Variants in DACH1 observed in about 807,000 individuals in gnomAD.
The protein encoded by DACH1 is dachshund family transcription factor 1, also known as dachshund homolog 1.
Under a neutral mutation model 54.2 loss-of-function variants are expected in DACH1, and 12 were observed. That is an observed-to-expected ratio of 0.22 (90% CI 0.14 to 0.36). DACH1 has a LOEUF of 0.36. Ranked by LOEUF, DACH1 falls within the 10% of genes least tolerant of loss-of-function variation. DACH1 has a pLI of 1.00. For missense variants in DACH1, 805 were observed against 929.8 expected (o/e 0.87, Z 1.75); for synonymous variants, 386 against 366.2 (o/e 1.05, Z -0.62).
intron 6 of DACH1, among the ~76,000 whole-genome samples, chr13:71,528,816 T>C (rs908433326): frequency 1.3e-5 from 2 of 152,134 alleles, no homozygotes; most frequent in Non-Finnish European, 2.9e-5. Flanking sequence ...AGATTGGAGA[T>C]AACCTACCTA....
At chr13:71,513,534 T>C (rs568213471) in intron 6 of DACH1, among the ~76,000 whole-genome samples, 3 of 152,150 alleles carry the variant, frequency 2.0e-5, no homozygotes, top group South Asian at 2.1e-4. Context: ...GTGTGTAATA[T>C]GATGTTAAGT....
At chr13:71,849,382 T>A (rs932305419) in intron 1 of DACH1, among the ~76,000 whole-genome samples, 1 of 152,050 alleles carries the variant, frequency 6.6e-6, no homozygotes, top group Non-Finnish European at 1.5e-5. Flanking sequence ...CAGTTTGCTA[T>A]GGGCAAGAGA....
chr13:71,558,489 T>C (rs960533002), intron 5 of DACH1, among the ~76,000 whole-genome samples: 3 of 151,970 alleles, frequency 2.0e-5, no homozygotes, highest in Non-Finnish European at 4.4e-5. Context: ...CAAAACTCAT[T>C]CAAATCTTCC....
chr13:71,595,976 G>A (rs2138475926), intron 3 of DACH1, among the ~76,000 whole-genome samples: 1 of 152,180 alleles, frequency 6.6e-6, no homozygotes, highest in East Asian at 1.9e-4. Flanking sequence ...TAACAGATTT[G>A]GGGTAAGAGG....
At chr13:71,654,113 G>A (rs779743255) in intron 2 of DACH1, among the ~76,000 whole-genome samples, 2 of 151,990 alleles carry the variant, frequency 1.3e-5, no homozygotes, top group African/African-American at 4.8e-5. Context: ...CTAATAGGCC[G>A]GGCATAGTAG....
chr13:71,503,800 A>G (rs1413879655), intron 6 of DACH1, among the ~76,000 whole-genome samples: 1 of 152,256 alleles, frequency 6.6e-6, no homozygotes, highest in Non-Finnish European at 1.5e-5. Flanking sequence ...AGAAGGTTAA[A>G]TTAAGTGACC....
At chr13:71,476,051 T>C (rs1244770683) in intron 8 of DACH1, among the ~76,000 whole-genome samples, 1 of 152,192 alleles carries the variant, frequency 6.6e-6, no homozygotes, top group Admixed American at 6.5e-5. Flanking sequence ...ATTTTTATTT[T>C]AGCCTAGAAC....
chr13:71,466,274 T>C (rs994647376), intron 10 of DACH1, among the ~76,000 whole-genome samples: 2 of 152,196 alleles, frequency 1.3e-5, no homozygotes, highest in African/African-American at 4.8e-5. Context: ...TGACTATTGG[T>C]CTTCCAGATA....
chr13:71,728,203 G>A (rs1036369289), intron 1 of DACH1, among the ~76,000 whole-genome samples: 3 of 151,876 alleles, frequency 2.0e-5, no homozygotes, highest in Non-Finnish European at 4.4e-5. Flanking sequence ...TAAAAAGAAA[G>A]CATTTTATTC....
chr13:71,512,430 GA>G (rs2138260635), intron 6 of DACH1, among the ~76,000 whole-genome samples: 1 of 152,014 alleles, frequency 6.6e-6, no homozygotes, highest in African/African-American at 2.4e-5. Context: ...TCCTTCTGTA[GA>G]GATAACAGGA....
chr13:71,857,694 A>G (rs1347167850), intron 1 of DACH1, among the ~76,000 whole-genome samples: 1 of 151,752 alleles, frequency 6.6e-6, no homozygotes, highest in African/African-American at 2.4e-5. Flanking sequence ...TGAAAAATAA[A>G]AGTGTTCCAG....
intron 3 of DACH1, among the ~76,000 whole-genome samples, chr13:71,599,206 C>T (rs1030480752): frequency 6.6e-6 from 1 of 152,100 alleles, no homozygotes; most frequent in African/African-American, 2.4e-5. Flanking sequence ...AATGATGGGA[C>T]TGCACTATTC....
intron 3 of DACH1, among the ~76,000 whole-genome samples, chr13:71,576,797 A>T (rs1885556649): frequency 6.6e-6 from 1 of 152,124 alleles, no homozygotes; most frequent in Non-Finnish European, 1.5e-5. Flanking sequence ...CACTAGCATT[A>T]GCCATTTCTA....
intron 1 of DACH1, among the ~76,000 whole-genome samples, chr13:71,766,374 A>C (rs2138022803): frequency 6.6e-6 from 1 of 152,306 alleles, no homozygotes; most frequent in South Asian, 2.1e-4. Flanking sequence ...CTTAAGGTGA[A>C]GCCTGTGCAT....
intron 3 of DACH1, among the ~76,000 whole-genome samples, chr13:71,611,923 T>C (rs969750442): frequency 2.0e-5 from 3 of 152,152 alleles, no homozygotes; most frequent in Admixed American, 6.5e-5. Context: ...AAAGGGTTTA[T>C]AGTATAATCC....
chr13:71,708,915 C>G (rs532842516), intron 1 of DACH1, among the ~76,000 whole-genome samples: 1 of 144,892 alleles, frequency 6.9e-6, no homozygotes, highest in Non-Finnish European at 1.5e-5. Context: ...TGCAGTGGCG[C>G]GATCTCGGCT....
At chr13:71,531,482 G>C (rs567881503) in intron 6 of DACH1, among the ~76,000 whole-genome samples, 12 of 152,096 alleles carry the variant, frequency 7.9e-5, no homozygotes, top group Admixed American at 5.9e-4. Flanking sequence ...AGGCCCTCTA[G>C]AATGAATTCT....
At chr13:71,832,239 G>C (rs1431698646) in intron 1 of DACH1, among the ~76,000 whole-genome samples, 1 of 151,852 alleles carries the variant, frequency 6.6e-6, no homozygotes, top group African/African-American at 2.4e-5. Flanking sequence ...TATTGACAAA[G>C]GAAGAGAATA....
intron 1 of DACH1, among the ~76,000 whole-genome samples, chr13:71,851,952 A>G (rs1470801692): frequency 6.6e-6 from 1 of 152,174 alleles, no homozygotes; most frequent in Non-Finnish European, 1.5e-5. Context: ...CATCAGTTTA[A>G]ACAGTGAGTG....
Sources: gnomAD v4.1 joint callset for allele counts (sites outside exome capture counted in the v4.1 genomes callset) on GRCh38, gnomAD v4.1.1 for gene constraint, MANE v1.5 for transcripts, NCBI Gene and HGNC (gene_info 2026-07-23, HGNC 2026-07-21) for gene names.